Variants in TMEM179 observed in about 807,000 individuals in gnomAD.
TMEM179 encodes the protein transmembrane protein 179.
In TMEM179, 17 loss-of-function variants were observed where a neutral mutation model predicts 22.2. The observed-to-expected ratio is 0.77, with a 90% CI of 0.52 to 1.15. The LOEUF (loss-of-function observed/expected upper bound fraction) is 1.15. TMEM179 is among the 50% of genes most tolerant of loss of function. The pLI is 0.00. For missense variants in TMEM179, 265 were observed against 313.6 expected (o/e 0.84, Z 1.17); for synonymous variants, 127 against 140.5 (o/e 0.90, Z 0.68).
At position 104,601,480 on chromosome 14, in the gene TMEM179, C is replaced by A. The variant is rs968147892; in HGVS notation, c.305+2957G>T. Among the ~76,000 whole-genome samples the A allele has an allele frequency of 7.9e-5, 12 of 152,286 alleles. No homozygotes were observed. In the East Asian group the frequency reaches 2.1e-3, roughly 27 times the overall value. On this transcript the variant is annotated intron_variant, in intron 1 of 3. Transcript: ENST00000556573. Reference sequence around the variant, plus strand: ...TAGGGTGGGGTCCCCTGGGGGGGGACCCATGGCCTGAGATGGCTCTTGAGA... The same window carrying A: ...TAGGGTGGGGTCCCCTGGGGGGGGAACCATGGCCTGAGATGGCTCTTGAGA...
At position 104,592,777 on chromosome 14, in the gene TMEM179, C is replaced by T. The variant is rs1003328718; in HGVS notation, c.*702G>A. On this transcript the variant is annotated 3_prime_UTR_variant, in exon 4 of 4. Transcript: ENST00000556573. ...TCCTGGCCCAGTCCTCTATGTGGTA[C>T]GTGTGCCCCCGAAATCCCCAACCAG... is the stretch of plus-strand genomic sequence containing the variant. Among the ~76,000 whole-genome samples the T allele has an allele frequency of 6.6e-6, 1 of 152,190 alleles. No individual in the cohort carries two copies. Among genetic ancestry groups the T allele is most frequent in the Non-Finnish European group, 1.5e-5 (1 of 68,040 alleles).
intron 1 of TMEM179, among the ~76,000 whole-genome samples, chr14:104,598,303 A>G (rs946166237): frequency 4.6e-5 from 7 of 152,184 alleles, no homozygotes; most frequent in Non-Finnish European, 7.3e-5. Context: ...CACTAGCAGC[A>G]TGGCTGAGAA....
intron 3 of TMEM179, chr14:104,594,849 T>G: frequency 7.6e-7 from 1 of 1,307,542 alleles, no homozygotes; most frequent in Non-Finnish European, 9.7e-7. Flanking sequence ...CAGGATCTGA[T>G]GCCTGGTTTC....
rs1010674656 is a variant in TMEM179 at position 104,597,934 on chromosome 14, G to A, written c.306-807C>T. Among the ~76,000 whole-genome samples the A allele has an allele frequency of 3.3e-5, 5 of 152,226 alleles. No homozygotes were observed. The highest frequency in any genetic ancestry group is 3.8e-4 in the East Asian group (2 of 5,198). On this transcript the variant is annotated intron_variant, in intron 1 of 3. Transcript: ENST00000556573. The surrounding 1 kb of genome is among the most constrained non-coding windows in gnomAD (Gnocchi z 4.8). ...TGACCAGGGCCAGAGCATGGGGAGCGCAGGAGGCAGGGCCATGAGGAAGGA... is the reference window on the plus strand; with the variant it reads ...TGACCAGGGCCAGAGCATGGGGAGCACAGGAGGCAGGGCCATGAGGAAGGA...
In TMEM179 at chr14:104,604,755, G is replaced by T; in HGVS notation, c.-14C>A. On this transcript the variant is annotated 5_prime_UTR_variant, in exon 1 of 4. Coordinates refer to ENST00000556573, the MANE Select transcript of TMEM179 (RefSeq NM_001286389.2). This position sits in a 1 kb window ranked among gnomAD's most constrained non-coding sequence, Gnocchi z 4.6. ...GTTGAGCGCCATGGCCGGCCCGGGC[G>T]AGAGCGGCGGCGGGAAGGCCGCGGG... is the stretch of plus-strand genomic sequence containing the variant. The T allele has an allele frequency of 6.6e-7, 1 of 1,514,430 alleles. No homozygotes were observed. The allele number at this position is 1,514,430 out of a possible 1,614,324, so 93.8% of individuals were successfully genotyped here.
rs1028975030 is a variant in TMEM179, at chr14:104,595,823, G to A, written c.444-580C>T. ...AGGAGTGAGCCAGGCCTGGGCTCCC[G>A]GTAGGTGTCCTGCACCCCCAACATA... On this transcript the variant is annotated intron_variant, in intron 2 of 3. Transcript: ENST00000556573. The surrounding 1 kb of genome is among the most constrained non-coding windows in gnomAD (Gnocchi z 5.7). Among the ~76,000 whole-genome samples the A allele has an allele frequency of 4.6e-5, 7 of 152,348 alleles. No individual in the cohort carries two copies. Among genetic ancestry groups the A allele is most frequent in the Admixed American group, 2.0e-4 (3 of 15,308 alleles).
intron 2 of TMEM179, among the ~76,000 whole-genome samples, chr14:104,596,477 C>G (rs144855754): frequency 3.2e-4 from 49 of 152,342 alleles, no homozygotes; most frequent in African/African-American, 1.0e-3. Context: ...TTCCTCTGCT[C>G]CTGTTCTTCA....
intron 1 of TMEM179, among the ~76,000 whole-genome samples, chr14:104,598,634 A>G (rs1887126792): frequency 6.6e-6 from 1 of 152,242 alleles, no homozygotes; most frequent in Non-Finnish European, 1.5e-5. Flanking sequence ...GAGGTGCCCC[A>G]GCCAACGTGC....
chr14:104,602,335 T>G (rs1357358550), intron 1 of TMEM179, among the ~76,000 whole-genome samples: 5 of 152,120 alleles, frequency 3.3e-5, no homozygotes, highest in Non-Finnish European at 2.9e-5. Context: ...GGGTCCTATC[T>G]AGAGAGCCAC....
intron 1 of TMEM179, among the ~76,000 whole-genome samples, chr14:104,602,559 C>T (rs1596301213): frequency 6.6e-6 from 1 of 152,374 alleles, no homozygotes; most frequent in South Asian, 2.1e-4. Context: ...AGGCTTCCAC[C>T]TGCCTGCCCT....
Position 104,604,464 on chromosome 14 carries a change from AGCGTGCGCCAG to A in TMEM179, c.267_277del (p.Trp90LeufsTer57), listed in dbSNP as rs1887351274. On this transcript the variant is annotated frameshift_variant, in exon 1 of 4. Coordinates refer to ENST00000556573, the MANE Select transcript of TMEM179 (RefSeq NM_001286389.2). LOFTEE classifies it high-confidence loss of function. The surrounding 1 kb of genome is among the most constrained non-coding windows in gnomAD (Gnocchi z 4.6). ...CTCGTGTCCCTTGCAGAGGAAGAAG[AGCGTGCGCCAG>A]GCGTGCGCGGCGGCCAGCAGCAGAG... is the stretch of plus-strand genomic sequence containing the variant. 1 of 1,581,174 alleles carries A rather than the reference AGCGTGCGCCAG, an allele frequency of 6.3e-7. No homozygotes were observed. The highest frequency in any genetic ancestry group is 8.6e-7 in the Non-Finnish European group (1 of 1,168,148).
In TMEM179 at chr14:104,594,152, A is replaced by G. The variant is rs1361731577; in HGVS notation, c.523-494T>C. The G allele has an allele frequency of 6.5e-6, 8 of 1,231,944 alleles. No individual in the cohort carries two copies. In the East Asian group the frequency reaches 1.9e-4, roughly 29 times the overall value. The allele number at this position is 1,231,944 out of a possible 1,614,324, so 76.3% of individuals were successfully genotyped here. A position where few individuals can be genotyped will look rare whatever the true frequency, so the allele number is the denominator to read the frequency against. ...GCTACATTAAGCTGATTCTCATTTG[A>G]GCGTATTTGCCATCAGACTGCACTC... On this transcript the variant is annotated intron_variant, in intron 3 of 3. Transcript: ENST00000556573.
chr14:104,592,920 G>C lies in TMEM179; in HGVS notation c.*559C>G, dbSNP rs199973781. On this transcript the variant is annotated 3_prime_UTR_variant, in exon 4 of 4. Transcript: ENST00000556573. Reference sequence around the variant, plus strand: ...AGGCCTCAGAAGCCTCCCTGAGCCCGGCCACAGGGTCTCCCAGGCCTATGG... The same window carrying C: ...AGGCCTCAGAAGCCTCCCTGAGCCCCGCCACAGGGTCTCCCAGGCCTATGG... 1.3e-5 allele frequency: 2 copies of C among 155,760 alleles called. No individual in the cohort carries two copies. Among genetic ancestry groups the C allele is most frequent in the African/African-American group, 4.8e-5 (2 of 41,510 alleles). The allele number at this position is 155,760 out of a possible 1,614,324, so 9.6% of individuals were successfully genotyped here. A position where few individuals can be genotyped will look rare whatever the true frequency, so the allele number is the denominator to read the frequency against.
rs1376773078 is a variant in TMEM179, at chr14:104,602,754, T to C, written c.305+1683A>G. Among the ~76,000 whole-genome samples, 4 of 152,286 alleles carry C rather than the reference T, an allele frequency of 2.6e-5. No homozygotes were observed. The East Asian group carries it at 5.8e-4, about 22-fold the overall frequency. Reference sequence around the variant, plus strand: ...TGAGCAGGGCTCCAGCCACACAATTTGGGCCCATGGCCCCACAGTACCTGG... The same window carrying C: ...TGAGCAGGGCTCCAGCCACACAATTCGGGCCCATGGCCCCACAGTACCTGG... On this transcript the variant is annotated intron_variant, in intron 1 of 3. Coordinates refer to ENST00000556573, the MANE Select transcript of TMEM179 (RefSeq NM_001286389.2).
intron 1 of TMEM179, among the ~76,000 whole-genome samples, chr14:104,601,632 C>T (rs1465418096): frequency 6.6e-6 from 1 of 152,226 alleles, no homozygotes; most frequent in Non-Finnish European, 1.5e-5. Flanking sequence ...CACATGACCA[C>T]GTGAACTGAG....
In TMEM179 at chr14:104,593,208, T is replaced by C; in HGVS notation, c.*271A>G. The C allele has an allele frequency of 1.9e-6, 1 of 538,088 alleles. No homozygotes were observed. Among genetic ancestry groups the C allele is most frequent in the Non-Finnish European group, 3.3e-6 (1 of 303,078 alleles). The allele number at this position is 538,088 out of a possible 1,614,324, so 33.3% of individuals were successfully genotyped here. On this transcript the variant is annotated 3_prime_UTR_variant, in exon 4 of 4. Coordinates refer to ENST00000556573, the MANE Select transcript of TMEM179 (RefSeq NM_001286389.2). The stretch of plus-strand genomic sequence containing the variant: ...CTACTGGGACAGCCAAGGGGCCCTG[T>C]GCGAGGCCTGGAGGTGCCCCCCGCC...
In TMEM179 at chr14:104,595,597, G is replaced by A. The variant is rs1886995871; in HGVS notation, c.444-354C>T. Among the ~76,000 whole-genome samples, 1 of 152,128 alleles carries A rather than the reference G, an allele frequency of 6.6e-6. No individual in the cohort carries two copies. The highest frequency in any genetic ancestry group is 1.5e-5 in the Non-Finnish European group (1 of 68,018). ...TCCCTGTCCTGACCCAGGACGGCCG[G>A]AAGACGCCAGCTCAGCCTCTGCTTT... On this transcript the variant is annotated intron_variant, in intron 2 of 3. Transcript: ENST00000556573. The surrounding 1 kb of genome is among the most constrained non-coding windows in gnomAD (Gnocchi z 5.7).
Position 104,590,915 on chromosome 14 carries a change from G to A in TMEM179, c.*2564C>T. ...TTAGCCAGAGTGGAATTAGAACAGGGATATCATTAACAGCCAGCCAGGACA... is the reference window on the plus strand; with the variant it reads ...TTAGCCAGAGTGGAATTAGAACAGGAATATCATTAACAGCCAGCCAGGACA... On this transcript the variant is annotated 3_prime_UTR_variant, in exon 4 of 4. Coordinates refer to ENST00000556573, the MANE Select transcript of TMEM179 (RefSeq NM_001286389.2). 6.0e-6 allele frequency: 1 copy of A among 166,124 alleles called. No individual in the cohort carries two copies. The highest frequency in any genetic ancestry group is 1.4e-4 in the South Asian group (1 of 6,994). The allele number at this position is 166,124 out of a possible 1,614,324, so 10.3% of individuals were successfully genotyped here. A position where few individuals can be genotyped will look rare whatever the true frequency, so the allele number is the denominator to read the frequency against.
chr14:104,604,158 C>T lies in TMEM179; in HGVS notation c.305+279G>A, dbSNP rs772739095. Among the ~76,000 whole-genome samples the T allele has an allele frequency of 6.6e-6, 1 of 152,344 alleles. No homozygotes were observed. The highest frequency in any genetic ancestry group is 3.4e-3 in the Middle Eastern group (1 of 294). ...CTGCTGGGTGATGACAGTGCAACAT[C>T]TGCAACCCAAGGGAGCAGATGCCCG... On this transcript the variant is annotated intron_variant, in intron 1 of 3. Transcript: ENST00000556573. The surrounding 1 kb of genome is among the most constrained non-coding windows in gnomAD (Gnocchi z 4.6).
Sources: gnomAD v4.1 joint callset for allele counts (sites outside exome capture counted in the v4.1 genomes callset) on GRCh38, gnomAD v4.1.1 for gene constraint, Gnocchi (gnomAD v3.1) non-coding constraint, MANE v1.5 for transcripts, NCBI Gene and HGNC (gene_info 2026-07-23, HGNC 2026-07-21) for gene names.